Variants in ZBTB11 observed in about 807,000 individuals in gnomAD.
The protein encoded by ZBTB11 is zinc finger and BTB domain containing 11.
In ZBTB11, 68 loss-of-function variants were observed where a neutral mutation model predicts 113.1. That is an observed-to-expected ratio of 0.60 (90% CI 0.49 to 0.74). The LOEUF is 0.74. Among genes scored for constraint, ZBTB11 ranks in the 30% least tolerant of loss-of-function variants. ZBTB11 has a pLI of 0.00. For synonymous variants in ZBTB11, 518 were observed against 452.6 expected (o/e 1.14, Z -1.83); for missense variants, 1,104 against 1,279.4 (o/e 0.86, Z 2.09).
chr3:101,675,939 G>A (rs935964559), intron 1 of ZBTB11, among the ~76,000 whole-genome samples: 3 of 151,844 alleles, frequency 2.0e-5, no homozygotes, highest in Admixed American at 1.3e-4. Context: ...CAAACACCCC[G>A]CCCCCGCAAA....
chr3:101,672,130 C>T lies in ZBTB11; in HGVS notation c.394G>A (p.Val132Ile). The T allele has an allele frequency of 6.2e-7, 1 of 1,614,140 alleles. No individual in the cohort carries two copies. The highest frequency in any genetic ancestry group is 8.5e-7 in the Non-Finnish European group (1 of 1,180,010). ...CCCAATTCTTCCAACATTTCTGAAA[C>T]ATCTGATATTGGACGGGATCGATCT... ...KLDRSRPISD[V>I]SEMLEELGLD... Residue 132 changes from valine (V) to isoleucine (I), a missense_variant, in exon 2 of 11, where the codon GTT (valine) becomes ATT (isoleucine). Val to Ile is a conservative substitution (Grantham distance 29). Coordinates refer to ENST00000312938, the MANE Select transcript of ZBTB11 (RefSeq NM_014415.4).
At position 101,650,438 on chromosome 3, in the gene ZBTB11, G is replaced by C. The variant is rs1936682275; in HGVS notation, c.*728C>G. ...TTCTCATGGTCAATTTACTTGCCTTGAAGAAATAGTATAGTAAGGTTTTAA... is the reference window on the plus strand; with the variant it reads ...TTCTCATGGTCAATTTACTTGCCTTCAAGAAATAGTATAGTAAGGTTTTAA... On this transcript the variant is annotated 3_prime_UTR_variant, in exon 11 of 11. Transcript: ENST00000312938. The C allele has an allele frequency of 6.6e-6, 1 of 152,464 alleles. No individual in the cohort carries two copies. Among genetic ancestry groups the C allele is most frequent in the African/African-American group, 2.4e-5 (1 of 41,402 alleles). 9.4% of individuals were successfully genotyped at this position (152,464 alleles called of 1,614,324 possible).
rs1024910812 is a variant in ZBTB11, at chr3:101,665,396, T to C, written c.1191A>G (p.Ser397=). 20 of 1,614,228 alleles carry C rather than the reference T, an allele frequency of 1.2e-5. No homozygotes were observed. The highest frequency in any genetic ancestry group is 1.5e-5 in the Non-Finnish European group (18 of 1,180,034). Residue 397 remains serine, a synonymous_variant, in exon 4 of 11, where the codon TCA becomes TCG. Transcript: ENST00000312938. ...GGGAATCAGCTATACATCCTACTGA[T>C]GACAGGGCAGATTCAGCCTCTGAAG... ...QVSSEAESAL[S]SVGCIADSHP...
chr3:101,651,244 TTGC>T lies in ZBTB11; in HGVS notation c.3081_3083del (p.Gln1028del). 1 of 1,613,986 alleles carries T rather than the reference TTGC, an allele frequency of 6.2e-7. No homozygotes were observed. The highest frequency in any genetic ancestry group is 1.3e-5 in the African/African-American group (1 of 75,054). On this transcript the variant is annotated inframe_deletion, in exon 11 of 11. Coordinates refer to ENST00000312938, the MANE Select transcript of ZBTB11 (RefSeq NM_014415.4). ...CTGCAACTTCAGATAGCTTCTGTCC[TTGC>T]TGTTGTGCTAATACATAATTAACCA... is the stretch of plus-strand genomic sequence containing the variant.
chr3:101,676,484 A>G (rs1576655456), intron 1 of ZBTB11, 121 bp downstream of exon 1: 9 of 1,038,848 alleles, frequency 8.7e-6, no homozygotes, highest in Non-Finnish European at 1.2e-5. Flanking sequence ...GCCTGGCAGC[A>G]GCTCCGCCGC....
At chr3:101,674,034 G>GTTTTTT (rs34193191) in intron 1 of ZBTB11, among the ~76,000 whole-genome samples, 3 of 139,726 alleles carry the variant, frequency 2.1e-5, no homozygotes, top group East Asian at 2.1e-4. Context: ...CACAGAGACT[G>GTTTTTT]TTTTTTTTTT....
intron 7 of ZBTB11, among the ~76,000 whole-genome samples, chr3:101,655,677 T>C (rs1379541836): frequency 1.3e-5 from 2 of 152,074 alleles, no homozygotes; most frequent in African/African-American, 4.8e-5. Context: ...TTTTTTTTTT[T>C]TGAGACGGAT....
intron 1 of ZBTB11, among the ~76,000 whole-genome samples, chr3:101,674,584 C>T (rs1937132656): frequency 6.6e-6 from 1 of 151,576 alleles, no homozygotes; most frequent in South Asian, 2.1e-4. Flanking sequence ...GGTGTAATCC[C>T]AGCTACTCTG....
Position 101,659,976 on chromosome 3 carries a change from C to G in ZBTB11, c.1853G>C (p.Arg618Pro). The G allele has an allele frequency of 6.2e-7, 1 of 1,614,050 alleles. No homozygotes were observed. Among genetic ancestry groups the G allele is most frequent in the Non-Finnish European group, 8.5e-7 (1 of 1,180,010 alleles). ...AGAGGGTGCATCTTTTCTGGTATGACGAATAAGATGTGCTCGCAAAGAGGC... is the reference window on the plus strand; with the variant it reads ...AGAGGGTGCATCTTTTCTGGTATGAGGAATAAGATGTGCTCGCAAAGAGGC... Reference protein sequence around the residue: ...YSASLRAHLIRHTRKDAPSSS... With the variant: ...YSASLRAHLIPHTRKDAPSSS... Residue 618 changes from arginine (R) to proline (P), a missense_variant, in exon 6 of 11, where the codon CGT becomes CCT. By Grantham distance (103) the Arg-to-Pro change is moderately radical. Coordinates refer to ENST00000312938, the MANE Select transcript of ZBTB11 (RefSeq NM_014415.4).
At position 101,656,106 on chromosome 3, in the gene ZBTB11, G is replaced by A; in HGVS notation, c.2189C>T (p.Thr730Ile). The change falls in exon 7 of 11, where the codon ACA (threonine) becomes ATA (isoleucine). Residue 730 changes from threonine to isoleucine, a missense_variant and splice_region_variant. Thr to Ile is a moderately conservative substitution (Grantham distance 89). Coordinates refer to ENST00000312938, the MANE Select transcript of ZBTB11 (RefSeq NM_014415.4). Reference protein sequence around the residue: ...RSLQEHMSIHTGESKYLCSVC... With the variant: ...RSLQEHMSIHIGESKYLCSVC... The stretch of plus-strand genomic sequence containing the variant: ...TGTCAATATAAATTTCTCATTACCT[G>A]TGTGAATACTCATATGTTCTTGAAG... The A allele has an allele frequency of 6.5e-7, 1 of 1,546,962 alleles. No homozygotes were observed. The highest frequency in any genetic ancestry group is 8.7e-7 in the Non-Finnish European group (1 of 1,148,616).
At chr3:101,663,717 C>A (rs1936931532) in intron 5 of ZBTB11, among the ~76,000 whole-genome samples, 2 of 151,938 alleles carry the variant, frequency 1.3e-5, no homozygotes, top group African/African-American at 2.4e-5. Context: ...ATGGTGAAAC[C>A]CTGCATATAA....
At position 101,676,783 on chromosome 3, in the gene ZBTB11, G is replaced by A. The variant is rs1444948990; in HGVS notation, c.132C>T (p.Gly44=). ...RKAAACYVVR[G]GTLYYQRRQR... ...GCCGCCGCTGGTAATACAGAGTCCC[G>A]CCGCGCACCACGTAGCAGGCGGCAG... is the stretch of plus-strand genomic sequence containing the variant. The change falls in exon 1 of 11, where the codon GGC becomes GGT. Residue 44 remains glycine (G), a synonymous_variant. Transcript: ENST00000312938. 1.9e-6 allele frequency: 3 copies of A among 1,611,156 alleles called. No individual in the cohort carries two copies. The highest frequency in any genetic ancestry group is 2.5e-6 in the Non-Finnish European group (3 of 1,179,058).
At chr3:101,671,676 G>GT in intron 2 of ZBTB11, 1 of 574,916 alleles carries the variant, frequency 1.7e-6, no homozygotes, top group Non-Finnish European at 3.1e-6. Flanking sequence ...ACCTTGGGGC[G>GT]TAAACTCAGA....
chr3:101,667,249 C>T (rs1179252742), intron 3 of ZBTB11, among the ~76,000 whole-genome samples: 1 of 152,156 alleles, frequency 6.6e-6, no homozygotes, highest in African/African-American at 2.4e-5. Flanking sequence ...CATGTTGTCT[C>T]AGCTGATCTT....
At chr3:101,659,461 G>C (rs1423580562) in intron 6 of ZBTB11, among the ~76,000 whole-genome samples, 1 of 152,116 alleles carries the variant, frequency 6.6e-6, no homozygotes, top group African/African-American at 2.4e-5. Flanking sequence ...TTAAGCCATG[G>C]GTTCCTTTCT....
At chr3:101,659,690 G>A in intron 6 of ZBTB11, 93 bp downstream of exon 6, 1 of 1,452,458 alleles carries the variant, frequency 6.9e-7, no homozygotes, top group Non-Finnish European at 9.4e-7. Flanking sequence ...ACAAATGAGA[G>A]TGACTTGAGA....
intron 5 of ZBTB11, among the ~76,000 whole-genome samples, chr3:101,662,662 G>A (rs1936912011): frequency 6.6e-6 from 1 of 152,106 alleles, no homozygotes; most frequent in Non-Finnish European, 1.5e-5. Context: ...TGGTTGTTTT[G>A]TAAACGTAAT....
chr3:101,669,779 A>G (rs1330080608), intron 3 of ZBTB11, among the ~76,000 whole-genome samples: 3 of 151,802 alleles, frequency 2.0e-5, no homozygotes, highest in East Asian at 3.9e-4. Context: ...AGTTCTTTGT[A>G]TGCAGTGGAT....
At chr3:101,672,642 G>A (rs1266111859) in intron 1 of ZBTB11, among the ~76,000 whole-genome samples, 6 of 152,206 alleles carry the variant, frequency 3.9e-5, no homozygotes, top group African/African-American at 7.2e-5. Flanking sequence ...CTAATAACCC[G>A]GGAGGCGGAG....
Sources: gnomAD v4.1 joint callset for allele counts (sites outside exome capture counted in the v4.1 genomes callset) on GRCh38, gnomAD v4.1.1 for gene constraint, MANE v1.5 for transcripts, NCBI Gene and HGNC (gene_info 2026-07-23, HGNC 2026-07-21) for gene names.